Variants in IKBKE observed in about 807,000 individuals in gnomAD.
The protein encoded by IKBKE is inhibitor of nuclear factor kappa B kinase subunit epsilon.
Under a neutral mutation model 92.1 loss-of-function variants are expected in IKBKE, and 45 were observed. That is an observed-to-expected ratio of 0.49 (90% CI 0.38 to 0.63). The LOEUF (loss-of-function observed/expected upper bound fraction) is 0.63. IKBKE is among the 20% of genes least tolerant of loss of function. The pLI is 0.00. For synonymous variants in IKBKE, 374 were observed against 380.3 expected, an observed-to-expected ratio of 0.98 and a Z score of 0.19; for missense variants, 700 against 932.8, an observed-to-expected ratio of 0.75 and a Z score of 3.25.
intron 17 of IKBKE, chr1:206,491,198 T>A (rs782706624): frequency 4.7e-6 from 2 of 428,152 alleles, no homozygotes; most frequent in Non-Finnish European, 8.6e-6. Context: ...CCCCCGCTCC[T>A]CTGTCTCCCA....
rs1306097688 is a variant in IKBKE at position 206,492,966 on chromosome 1, C to T, written c.1836-57C>T. Reference sequence around the variant, plus strand: ...GTGGATCCGATGGCAGCTAGGCGAGCCCTGGGGAATGGGCTGAGTCCTGCT... The same window carrying T: ...GTGGATCCGATGGCAGCTAGGCGAGTCCTGGGGAATGGGCTGAGTCCTGCT... On this transcript the variant is annotated intron_variant, in intron 18 of 21. Transcript: ENST00000581977. 12 of 1,463,750 alleles carry T rather than the reference C, an allele frequency of 8.2e-6. No homozygotes were observed. In the East Asian group the frequency reaches 2.7e-4, roughly 33 times the overall value. 90.7% of individuals were successfully genotyped at this position (1,463,750 alleles called of 1,614,324 possible). A position where few individuals can be genotyped will look rare whatever the true frequency, so the allele number is the denominator to read the frequency against.
intron 10 of IKBKE, among the ~76,000 whole-genome samples, chr1:206,479,575 T>C (rs1553386423): frequency 2.0e-5 from 3 of 152,330 alleles, no homozygotes; most frequent in Middle Eastern, 3.4e-3. Flanking sequence ...TTTTATCCTC[T>C]TTCTCTGAGG....
At position 206,478,933 on chromosome 1, in the gene IKBKE, CTG is replaced by C; in HGVS notation, c.993-6_993-5del. On this transcript the variant is annotated splice_polypyrimidine_tract_variant and splice_region_variant and intron_variant, in intron 9 of 21. Coordinates refer to ENST00000581977, the MANE Select transcript of IKBKE (RefSeq NM_014002.4). The surrounding 1 kb of genome is among the most constrained non-coding windows in gnomAD (Gnocchi z 4.8). ...CCCTGCCCTCTGCTCCCCACCACGG[CTG>C]TGTCTAGGATAGCCATTTTCCAGGA... 1 of 1,613,790 alleles carries C rather than the reference CTG, an allele frequency of 6.2e-7. No homozygotes were observed. Among genetic ancestry groups the C allele is most frequent in the Non-Finnish European group, 8.5e-7 (1 of 1,179,792 alleles).
At chr1:206,471,844 A>G (rs1324888063) in intron 2 of IKBKE, among the ~76,000 whole-genome samples, 3 of 152,264 alleles carry the variant, frequency 2.0e-5, no homozygotes, top group Non-Finnish European at 4.4e-5. Flanking sequence ...ACACAGAGAA[A>G]AAGTTCAGAG....
In IKBKE at chr1:206,476,900, C is replaced by A. The variant is rs1482345872; in HGVS notation, c.701+62C>A. On this transcript the variant is annotated intron_variant, in intron 7 of 21. Coordinates refer to ENST00000581977, the MANE Select transcript of IKBKE (RefSeq NM_014002.4). The surrounding 1 kb of genome is among the most constrained non-coding windows in gnomAD (Gnocchi z 5.1). ...GGCAGTCCCCTGGCCCTTCCCCCAC[C>A]GGTCCTTGCTGTGTCTTCTGGTCCC... 1.9e-6 allele frequency: 3 copies of A among 1,580,156 alleles called. No homozygotes were observed.
intron 13 of IKBKE, among the ~76,000 whole-genome samples, chr1:206,484,095 T>TTTGTTTTGTATTGTA (rs1553387922): frequency 1.6e-5 from 2 of 122,132 alleles, no homozygotes; most frequent in African/African-American, 3.1e-5. Context: ...TGGCTTTTAT[T>TTTGTTTTGTATTGTA]TTGTATTGTA....
Position 206,476,149 on chromosome 1 carries a change from A to G in IKBKE, c.359-32A>G, listed in dbSNP as rs150668861. The G allele has an allele frequency of 2.3e-4, 377 of 1,611,044 alleles. 1 individual carries two copies. The highest frequency in any genetic ancestry group is 7.1e-4 in the Middle Eastern group (4 of 5,642). On this transcript the variant is annotated intron_variant, in intron 5 of 21. Coordinates refer to ENST00000581977, the MANE Select transcript of IKBKE (RefSeq NM_014002.4). This position sits in a 1 kb window ranked among gnomAD's most constrained non-coding sequence, Gnocchi z 5.1. ...CAGACACTAGACTGTCCCCGACCAG[A>G]GCCAGCTAGTGGCCTCCCCGTCTGT...
chr1:206,473,401 C>A, intron 3 of IKBKE, 87 bp downstream of exon 3: 1 of 948,632 alleles, frequency 1.1e-6, no homozygotes, highest in Non-Finnish European at 1.6e-6. Context: ...CCCCAGTGGG[C>A]ATTGAGGGTG....
rs1665189611 is a variant in IKBKE at position 206,478,411 on chromosome 1, A to G, written c.992+72A>G. 1 of 1,456,094 alleles carries G rather than the reference A, an allele frequency of 6.9e-7. No homozygotes were observed. Among genetic ancestry groups the G allele is most frequent in the Admixed American group, 1.7e-5 (1 of 59,320 alleles). 90.2% of individuals were successfully genotyped at this position (1,456,094 alleles called of 1,614,324 possible). A position where few individuals can be genotyped will look rare whatever the true frequency, so the allele number is the denominator to read the frequency against. ...AGCAGCAGTGCATGTCCAAAGCAGC[A>G]TCTCCCACAGTACGTTCTGAGGAGT... On this transcript the variant is annotated intron_variant, in intron 9 of 21. Coordinates refer to ENST00000581977, the MANE Select transcript of IKBKE (RefSeq NM_014002.4). This position sits in a 1 kb window ranked among gnomAD's most constrained non-coding sequence, Gnocchi z 4.8.
chr1:206,494,554 T>C (rs1489444559), intron 21 of IKBKE, among the ~76,000 whole-genome samples: 1 of 150,084 alleles, frequency 6.7e-6, no homozygotes, highest in Admixed American at 6.6e-5. Context: ...GGGCTCCGAC[T>C]CTGAGATTGA....
chr1:206,480,508 C>A lies in IKBKE; in HGVS notation c.1402C>A (p.Leu468Ile). The change falls in exon 13 of 22, where the codon CTC (leucine) becomes ATC (isoleucine). Residue 468 changes from leucine (L) to isoleucine (I), a missense_variant. Physicochemically the swap from Leu to Ile is conservative, Grantham distance 5 (BLOSUM62 2). Transcript: ENST00000581977. ...LEVARTSLLY[L>I]SSSLGTERFS... Reference sequence around the variant, plus strand: ...AGTGGCAAGGACATCCCTCCTCTACCTCAGCAGCAGCCTGGGAACTGAGAG... The same window carrying A: ...AGTGGCAAGGACATCCCTCCTCTACATCAGCAGCAGCCTGGGAACTGAGAG... 1 of 1,613,724 alleles carries A rather than the reference C, an allele frequency of 6.2e-7. No homozygotes were observed.
At chr1:206,492,694 G>T (rs1553390820) in intron 18 of IKBKE, 1 of 527,102 alleles carries the variant, frequency 1.9e-6, no homozygotes, top group Non-Finnish European at 3.8e-6. Context: ...GAGCCCTGGT[G>T]TGGGCTATCC....
chr1:206,476,468 A>G lies in IKBKE; in HGVS notation c.540+106A>G. 1 of 1,257,544 alleles carries G rather than the reference A, an allele frequency of 8.0e-7. No individual in the cohort carries two copies. Among genetic ancestry groups the G allele is most frequent in the Non-Finnish European group, 1.1e-6 (1 of 887,816 alleles). The allele number at this position is 1,257,544 out of a possible 1,614,324, so 77.9% of individuals were successfully genotyped here. On this transcript the variant is annotated intron_variant, in intron 6 of 21. Coordinates refer to ENST00000581977, the MANE Select transcript of IKBKE (RefSeq NM_014002.4). This position sits in a 1 kb window ranked among gnomAD's most constrained non-coding sequence, Gnocchi z 5.1. ...GGTGTGGCCCACCTCCTGCTTCCAC[A>G]GGAGTTATGTCTCTCCCCTGTACCC...
intron 8 of IKBKE, 119 bp downstream of exon 8, chr1:206,477,978 C>T: frequency 1.1e-6 from 1 of 878,170 alleles, no homozygotes; most frequent in Non-Finnish European, 1.8e-6. Flanking sequence ...CAGGCTTGGG[C>T]ACACCACTTT....
chr1:206,492,734 C>T (rs1553390843), intron 18 of IKBKE: 1 of 571,346 alleles, frequency 1.8e-6, no homozygotes, highest in African/African-American at 1.9e-5. Flanking sequence ...ACTGGTGCCA[C>T]GCTCACCATA....
At chr1:206,488,837 T>C (rs1553389465) in intron 16 of IKBKE, among the ~76,000 whole-genome samples, 1 of 152,178 alleles carries the variant, frequency 6.6e-6, no homozygotes, top group East Asian at 1.9e-4. Flanking sequence ...TAGCCAATTT[T>C]TAAAAAGTAG....
chr1:206,472,466 AG>A (rs1400431768), intron 2 of IKBKE, among the ~76,000 whole-genome samples: 24 of 152,202 alleles, frequency 1.6e-4, no homozygotes, highest in Admixed American at 5.2e-4. Context: ...ACAGAGTTGT[AG>A]GGGGTTTCAG....
chr1:206,490,897 G>A lies in IKBKE; in HGVS notation c.1733+39G>A. The A allele has an allele frequency of 3.1e-6, 5 of 1,594,938 alleles. No individual in the cohort carries two copies. Among genetic ancestry groups the A allele is most frequent in the Non-Finnish European group, 4.3e-6 (5 of 1,162,922 alleles). On this transcript the variant is annotated intron_variant, in intron 17 of 21. Coordinates refer to ENST00000581977, the MANE Select transcript of IKBKE (RefSeq NM_014002.4). This position sits in a 1 kb window ranked among gnomAD's most constrained non-coding sequence, Gnocchi z 5.2. ...CCTCCGGCAGGTGGGTGGGCAGGAG[G>A]GTGGGTGTCCTCAGGGCAGAGCGAT... is the stretch of plus-strand genomic sequence containing the variant.
At chr1:206,486,969 C>A (rs1400042291) in intron 15 of IKBKE, among the ~76,000 whole-genome samples, 1 of 151,228 alleles carries the variant, frequency 6.6e-6, no homozygotes, top group Non-Finnish European at 1.5e-5. Context: ...CAGATCTGAG[C>A]CCTGTCCTTT....
Sources: allele counts gnomAD v4.1 joint callset (sites outside exome capture counted in the v4.1 genomes callset), GRCh38; gene constraint gnomAD v4.1.1; non-coding constraint Gnocchi (gnomAD v3.1); transcripts MANE v1.5; gene names NCBI Gene and HGNC (gene_info 2026-07-23, HGNC 2026-07-21).